The following SPTBN5 variants were observed in gnomAD, a reference collection of about 807,000 sequenced individuals.
The protein encoded by SPTBN5 is spectrin beta chain, non-erythrocytic 5.
Under a neutral mutation model 477.6 loss-of-function variants are expected in SPTBN5, and 513 were observed. That is an observed-to-expected ratio of 1.07 (90% confidence interval 1.00 to 1.16). The LOEUF is 1.16. Ranked by LOEUF, SPTBN5 falls within the 50% of genes most tolerant of loss-of-function variation. The probability of loss-of-function intolerance (pLI) is 0.00; values close to 1 mark genes in which losing one functional copy is unlikely to be tolerated. For missense variants in SPTBN5, 5,062 were observed against 4,731.8 expected, an observed-to-expected ratio of 1.07 and a Z score of -2.05; for synonymous variants, 2,169 against 2,011.7, an observed-to-expected ratio of 1.08 and a Z score of -2.09.
At position 41,881,036 on chromosome 15, in the gene SPTBN5, G is replaced by A. The variant is rs1183938113; in HGVS notation, c.2656C>T (p.Gln886Ter). Reference protein sequence around the residue: ...QDYESLRALAQLRRARLEEAM... With the variant: ...QDYESLRALA ...ATTTCTTGAAAAAGAAGTGTTACCT[G>A]TGCCAGGGCCCGCAGACTCTCATAG... The change falls in exon 13 of 68, where the codon CAG becomes TAG. Residue 886 changes from glutamine (Q) to a stop codon, truncating the protein, a stop_gained and splice_region_variant. Coordinates refer to ENST00000320955, the MANE Select transcript of SPTBN5 (RefSeq NM_016642.4). LOFTEE classifies it high-confidence loss of function. 1 of 1,571,504 alleles carries A rather than the reference G, an allele frequency of 6.4e-7. No homozygotes were observed. The highest frequency in any genetic ancestry group is 1.2e-5 in the South Asian group (1 of 86,340).
At chr15:41,880,347 C>G in intron 13 of SPTBN5, 35 bp from the exon 14 acceptor site, 1 of 1,561,930 alleles carries the variant, frequency 6.4e-7, no homozygotes, top group Non-Finnish European at 8.6e-7. Flanking sequence ...GGGTGAGGGT[C>G]AGGGCCCCCG....
rs369053735 is a variant in SPTBN5, at chr15:41,876,321, G to A, written c.3952-37C>T. 546 of 1,506,842 alleles carry A rather than the reference G, an allele frequency of 3.6e-4. 2 individuals carry two copies. Among genetic ancestry groups the A allele is most frequent in the Middle Eastern group, 2.1e-3 (12 of 5,840 alleles). 93.3% of individuals were successfully genotyped at this position (1,506,842 alleles called of 1,614,324 possible). On this transcript the variant is annotated intron_variant, in intron 20 of 67. Transcript: ENST00000320955. ...CAGGCGAGAGTGGGTCTCAGAGCAC[G>A]GTGGGTGGGGGCTGGTGCCTAGCCC...
At position 41,863,794 on chromosome 15, in the gene SPTBN5, C is replaced by G. The variant is rs772398118; in HGVS notation, c.7059G>C (p.Leu2353Phe). 5.1e-5 allele frequency: 83 copies of G among 1,613,754 alleles called. No individual in the cohort carries two copies. The highest frequency in any genetic ancestry group is 6.5e-5 in the Non-Finnish European group (77 of 1,179,886). ...NNRWASFHGN[L>F]LRYQQQLEGA... is the part of the protein sequence containing the mutation. ...CTTCGAGCTGCTGCTGGTACCGGAG[C>G]AAGTTGCCATGGAAACTCGCCCACC... is the stretch of plus-strand genomic sequence containing the variant. Residue 2353 changes from leucine (L) to phenylalanine (F), a missense_variant, in exon 41 of 68, where the codon TTG becomes TTC. Transcript: ENST00000320955.
Position 41,852,309 on chromosome 15 carries a change from T to C in SPTBN5, c.10457A>G (p.Gln3486Arg). 1.9e-6 allele frequency: 3 copies of C among 1,585,862 alleles called. No homozygotes were observed. The highest frequency in any genetic ancestry group is 2.6e-6 in the Non-Finnish European group (3 of 1,165,702). The change falls in exon 62 of 68, where the codon CAG (glutamine) becomes CGG (arginine). Residue 3486 changes from glutamine (Q) to arginine (R), a missense_variant. By Grantham distance (43) the Gln-to-Arg change is conservative. Transcript: ENST00000320955. The part of the protein sequence containing the change: ...FAQMQKTEME[Q>R]ELLLQPQELK... ...CTCCTGTGGCTGCAGCAGGAGCTCC[T>C]GTTCCATCTTGGGGAGTGGGCAAGG... is the stretch of plus-strand genomic sequence containing the variant.
Position 41,856,602 on chromosome 15 carries a change from C to T in SPTBN5, c.8809-4G>A, listed in dbSNP as rs56230030. Reference sequence around the variant, plus strand: ...TGCTCATCTCACTCTCCAGGTTCTGCGGGGGAGGAGGCAGGAGGATGCGGA... The same window carrying T: ...TGCTCATCTCACTCTCCAGGTTCTGTGGGGGAGGAGGCAGGAGGATGCGGA... On this transcript the variant is annotated splice_polypyrimidine_tract_variant and splice_region_variant and intron_variant, in intron 52 of 67. Coordinates refer to ENST00000320955, the MANE Select transcript of SPTBN5 (RefSeq NM_016642.4). 0.32 allele frequency: 509,025 copies of T among 1,572,098 alleles called. 87,109 individuals are homozygous for T. Among genetic ancestry groups the T allele is most frequent in the African/African-American group, 0.52 (38,355 of 74,028 alleles).
intron 53 of SPTBN5, among the ~76,000 whole-genome samples, chr15:41,856,079 T>C (rs1309538960): frequency 6.6e-6 from 1 of 152,300 alleles, no homozygotes; most frequent in Non-Finnish European, 1.5e-5. Flanking sequence ...ACTTCAGTTT[T>C]TCTTCCTTTA....
chr15:41,857,414 C>T lies in SPTBN5; in HGVS notation c.8445G>A (p.Val2815=), dbSNP rs777248827. ...CGCCCACCCCAGGCAGGGCCTGGCC[C>T]ACAGTGGGGGCTCTCAGCTCAACCT... ...PIEVELRAPT[V]GQALPGVGEL... The change falls in exon 51 of 68, where the codon GTG becomes GTA. Residue 2815 remains valine, a synonymous_variant. Coordinates refer to ENST00000320955, the MANE Select transcript of SPTBN5 (RefSeq NM_016642.4). The T allele has an allele frequency of 5.6e-6, 9 of 1,599,410 alleles. No homozygotes were observed. In the South Asian group the frequency reaches 9.0e-5, roughly 16 times the overall value.
chr15:41,857,100 C>A, intron 51 of SPTBN5, 61 bp from the exon 52 acceptor site: 1 of 1,535,426 alleles, frequency 6.5e-7, no homozygotes, highest in East Asian at 2.4e-5. Flanking sequence ...ATTAGGGATA[C>A]CTGGTGACAC....
Position 41,890,198 on chromosome 15 carries a change from A to C in SPTBN5, c.392T>G (p.Val131Gly), listed in dbSNP as rs1567234977. ...GATGTTCTCTGGCCCGATGAGTGGTACTGGCACCTGTGGGCACAGTTGGAT... is the reference window on the plus strand; with the variant it reads ...GATGTTCTCTGGCCCGATGAGTGGTCCTGGCACCTGTGGGCACAGTTGGAT... ...ALAFLRAKVP[V>G]PLIGPENIVD... The change falls in exon 4 of 68, where the codon GTA becomes GGA. Residue 131 changes from valine to glycine, a missense_variant. Transcript: ENST00000320955. The C allele has an allele frequency of 2.5e-6, 4 of 1,610,274 alleles. No individual in the cohort carries two copies. Among genetic ancestry groups the C allele is most frequent in the Non-Finnish European group, 3.4e-6 (4 of 1,177,938 alleles).
chr15:41,862,206 G>A lies in SPTBN5; in HGVS notation c.7472C>T (p.Ala2491Val). 2 of 1,611,364 alleles carry A rather than the reference G, an allele frequency of 1.2e-6. No homozygotes were observed. Among genetic ancestry groups the A allele is most frequent in the Non-Finnish European group, 1.7e-6 (2 of 1,179,056 alleles). Residue 2491 changes from alanine (A) to valine (V), a missense_variant, in exon 44 of 68, where the codon GCT (alanine) becomes GTT (valine). By Grantham distance (64) the Ala-to-Val change is moderately conservative. Coordinates refer to ENST00000320955, the MANE Select transcript of SPTBN5 (RefSeq NM_016642.4). ...ELLVSAQRLR[A>V]QMDTSPAPRS... ...AGGAGCGGGGCTCGTGTCCATCTGA[G>A]CCCGCAGCCTCTGGGCGCTGACCAG...
intron 67 of SPTBN5, among the ~76,000 whole-genome samples, chr15:41,849,168 G>C (rs1160902363): frequency 6.6e-6 from 1 of 152,212 alleles, no homozygotes; most frequent in East Asian, 1.9e-4. Context: ...CCTAACCTCA[G>C]GTGTCCCCTC....
chr15:41,870,564 C>A lies in SPTBN5; in HGVS notation c.5448-4G>T, dbSNP rs748290167. 1.2e-6 allele frequency: 2 copies of A among 1,604,410 alleles called. No homozygotes were observed. Among genetic ancestry groups the A allele is most frequent in the Non-Finnish European group, 1.7e-6 (2 of 1,178,796 alleles). On this transcript the variant is annotated splice_polypyrimidine_tract_variant and splice_region_variant and intron_variant, in intron 29 of 67. Coordinates refer to ENST00000320955, the MANE Select transcript of SPTBN5 (RefSeq NM_016642.4). ...CCACAGCTCCGACCAGGCGGTCCTGCCCACGGCGTGTGGAAGACCAGCCGG... is the reference window on the plus strand; with the variant it reads ...CCACAGCTCCGACCAGGCGGTCCTGACCACGGCGTGTGGAAGACCAGCCGG...
rs534857898 is a variant in SPTBN5 at position 41,884,599 on chromosome 15, A to G, written c.1521-1113T>C. ...GCTTCTGCCTTTGCCCCTTGGATCT[A>G]TTCCCAACATGACATCCAGGTGAGC... On this transcript the variant is annotated intron_variant, in intron 7 of 67. Transcript: ENST00000320955. 5.3e-5 allele frequency among the ~76,000 whole-genome samples: 8 copies of G among 152,216 alleles called. No homozygotes were observed. In the South Asian group the frequency reaches 6.2e-4, roughly 12 times the overall value.
intron 26 of SPTBN5, 57 bp from the exon 27 acceptor site, chr15:41,872,516 G>A: frequency 6.6e-7 from 1 of 1,509,980 alleles, no homozygotes; most frequent in Non-Finnish European, 8.9e-7. Flanking sequence ...CCACCCACCT[G>A]TCCGTCCCCC....
chr15:41,888,982 G>C (rs1191816105), intron 4 of SPTBN5, among the ~76,000 whole-genome samples: 2 of 152,218 alleles, frequency 1.3e-5, no homozygotes, highest in Non-Finnish European at 2.9e-5. Flanking sequence ...GGCTTGTGAG[G>C]GATCGGGGCT....
At position 41,876,938 on chromosome 15, in the gene SPTBN5, C is replaced by T. The variant is rs759165781; in HGVS notation, c.3722G>A (p.Arg1241Lys). Residue 1241 changes from arginine to lysine, a missense_variant, in exon 19 of 68, where the codon AGG becomes AAG. Arg to Lys is a conservative substitution (Grantham distance 26, BLOSUM62 2). Transcript: ENST00000320955. Reference sequence around the variant, plus strand: ...CTGCTGCAGCAGGCTCAGGGCCTCCCTCACGTCCTCCTGGGAGTGCAGAGA... The same window carrying T: ...CTGCTGCAGCAGGCTCAGGGCCTCCTTCACGTCCTCCTGGGAGTGCAGAGA... ...LHLDNLGEDV[R>K]EALSLLQQHR... is the part of the protein sequence containing the mutation. 5 of 1,607,656 alleles carry T rather than the reference C, an allele frequency of 3.1e-6. No homozygotes were observed. Among genetic ancestry groups the T allele is most frequent in the East Asian group, 2.2e-5 (1 of 44,720 alleles).
chr15:41,852,565 C>A, intron 61 of SPTBN5, 69 bp downstream of exon 61: 1 of 1,520,354 alleles, frequency 6.6e-7, no homozygotes, highest in Non-Finnish European at 9.1e-7. Context: ...CCCTGGGAGA[C>A]ACTGACTTGC....
chr15:41,851,325 G>A lies in SPTBN5; in HGVS notation c.10701C>T (p.Gly3567=), dbSNP rs189327872. 6.4e-7 allele frequency: 1 copy of A among 1,551,146 alleles called. No individual in the cohort carries two copies. Among genetic ancestry groups the A allele is most frequent in the Admixed American group, 2.0e-5 (1 of 51,008 alleles). Residue 3567 remains glycine (G), a synonymous_variant, in exon 64 of 68, where the codon GGC becomes GGT. Transcript: ENST00000320955. ...SWDSCRGNLQ[G]SSLSLFLDER... ...CATCCAGGAACAGGCTCAGAGAGCT[G>A]CCCTGCAAGTTCCCGCGGCAGCTGT...
In SPTBN5 at chr15:41,850,864, G is replaced by A. The variant is rs2065729757; in HGVS notation, c.10911C>T (p.Gly3637=). The A allele has an allele frequency of 6.3e-7, 1 of 1,597,966 alleles. No homozygotes were observed. The highest frequency in any genetic ancestry group is 8.5e-7 in the Non-Finnish European group (1 of 1,173,286). ...TCCCCTGAAGCCCACCTGCAGTGCT[G>A]CCCAGGGCTCGCCACCAGCTCTCAG... ...EQAESWWRAL[G]STAAQSLSPK... Residue 3637 remains glycine (G), a synonymous_variant, in exon 66 of 68, where the codon GGC becomes GGT. Transcript: ENST00000320955.
Sources: gnomAD v4.1 joint callset for allele counts (sites outside exome capture counted in the v4.1 genomes callset) on GRCh38, gnomAD v4.1.1 for gene constraint, MANE v1.5 for transcripts, NCBI Gene and HGNC (gene_info 2026-07-23, HGNC 2026-07-21) for gene names.